The following CRIM1 variants were observed in gnomAD, a reference collection of about 807,000 sequenced individuals.
CRIM1 encodes cysteine-rich motor neuron 1 protein.
Under a neutral mutation model 116.4 loss-of-function variants are expected in CRIM1, and 32 were observed. The ratio of observed to expected loss-of-function variants is 0.27; its 90% CI spans 0.21 to 0.37. CRIM1 has a LOEUF of 0.37. Ranked by LOEUF, CRIM1 falls within the 10% of genes least tolerant of loss-of-function variation. The pLI is 1.00. For synonymous variants in CRIM1, 590 were observed against 509.2 expected, an observed-to-expected ratio of 1.16 and a Z score of -2.13; for missense variants, 1,331 against 1,354.8, an observed-to-expected ratio of 0.98 and a Z score of 0.28.
At chr2:36,423,554 C>T (rs1173986947) in intron 2 of CRIM1, among the ~76,000 whole-genome samples, 1 of 152,168 alleles carries the variant, frequency 6.6e-6, no homozygotes, top group Non-Finnish European at 1.5e-5. Context: ...AGAGTTCAGG[C>T]CTTTTGCGAT....
intron 7 of CRIM1, among the ~76,000 whole-genome samples, chr2:36,489,361 A>G (rs1680061037): frequency 1.3e-5 from 2 of 152,224 alleles, no homozygotes; most frequent in Admixed American, 6.5e-5. Context: ...ATAATAAGCT[A>G]TCCACTTGGG....
intron 1 of CRIM1, among the ~76,000 whole-genome samples, chr2:36,394,690 G>A (rs1456073456): frequency 6.6e-6 from 1 of 151,824 alleles, no homozygotes; most frequent in African/African-American, 2.4e-5. Context: ...TAGGAGAACA[G>A]ATTTTAAATA....
Position 36,546,989 on chromosome 2 carries a change from G to C in CRIM1, c.2752G>C (p.Gly918Arg), listed in dbSNP as rs201730313. Reference protein sequence around the residue: ...NDIVHLPRDMGHLQVDYRDNR... With the variant: ...NDIVHLPRDMRHLQVDYRDNR... ...TATAATTTTTTTTCTCCTAGATATG[G>C]GTCACCTCCAGGTAGATTACAGAGA... Residue 918 changes from glycine to arginine, a missense_variant, in exon 16 of 17, where the codon GGT becomes CGT. Physicochemically the swap from Gly to Arg is moderately radical, Grantham distance 125. This residue lies in a region of CRIM1 where 283 missense variants were observed against 242.8 expected (regional missense o/e 1.17). Transcript: ENST00000280527. The C allele has an allele frequency of 1.9e-6, 3 of 1,578,514 alleles. No individual in the cohort carries two copies. Among genetic ancestry groups the C allele is most frequent in the South Asian group, 2.3e-5 (2 of 86,112 alleles).
intron 14 of CRIM1, among the ~76,000 whole-genome samples, chr2:36,539,851 G>A (rs1001175319): frequency 6.6e-6 from 1 of 152,066 alleles, no homozygotes; most frequent in African/African-American, 2.4e-5. Context: ...TATCTAATCT[G>A]GGCTTCAGGA....
chr2:36,473,349 C>CT (rs1048759632), intron 5 of CRIM1, among the ~76,000 whole-genome samples: 22 of 152,068 alleles, frequency 1.4e-4, no homozygotes, highest in African/African-American at 4.6e-4. Flanking sequence ...CTTGGGAGTA[C>CT]TTTTTTTAAA....
At chr2:36,533,276 G>A (rs1442679223) in intron 13 of CRIM1, among the ~76,000 whole-genome samples, 2 of 152,068 alleles carry the variant, frequency 1.3e-5, no homozygotes, top group African/African-American at 4.8e-5. Flanking sequence ...GAAGGAGACA[G>A]TGTATCTAGG....
intron 6 of CRIM1, among the ~76,000 whole-genome samples, chr2:36,477,935 A>T (rs571286791): frequency 9.2e-5 from 14 of 152,290 alleles, no homozygotes; most frequent in African/African-American, 3.4e-4. Flanking sequence ...TGACAACACA[A>T]CACTGTTTCC....
chr2:36,409,114 A>T (rs1433244702), intron 2 of CRIM1, among the ~76,000 whole-genome samples: 1 of 152,162 alleles, frequency 6.6e-6, no homozygotes, highest in South Asian at 2.1e-4. Flanking sequence ...TCATACGTAA[A>T]AATATACCAC....
intron 5 of CRIM1, among the ~76,000 whole-genome samples, chr2:36,467,041 C>A (rs1349748532): frequency 6.6e-6 from 1 of 152,172 alleles, no homozygotes; most frequent in Non-Finnish European, 1.5e-5. Flanking sequence ...ACCTTAGCAA[C>A]CTTGGGATCA....
At chr2:36,379,532 G>A (rs555136979) in intron 1 of CRIM1, among the ~76,000 whole-genome samples, 21 of 152,248 alleles carry the variant, frequency 1.4e-4, no homozygotes, top group Non-Finnish European at 1.9e-4. Flanking sequence ...GAAGAGCAGC[G>A]TGCAGAGGTA....
chr2:36,519,557 C>T (rs1360044867), intron 12 of CRIM1, among the ~76,000 whole-genome samples: 1 of 152,208 alleles, frequency 6.6e-6, no homozygotes, highest in East Asian at 1.9e-4. Flanking sequence ...TGATAAGTGG[C>T]ATATTACACA....
intron 1 of CRIM1, among the ~76,000 whole-genome samples, chr2:36,358,501 T>C (rs1220322485): frequency 5.9e-5 from 9 of 152,218 alleles, no homozygotes; most frequent in Non-Finnish European, 2.9e-5. Context: ...CAGGGAACAT[T>C]TACAGTAATC....
chr2:36,446,293 T>C (rs1434385994), intron 4 of CRIM1, among the ~76,000 whole-genome samples: 1 of 152,206 alleles, frequency 6.6e-6, no homozygotes, highest in African/African-American at 2.4e-5. Flanking sequence ...CATTTCTGTG[T>C]GAGCTTGATT....
chr2:36,524,904 G>A (rs898638738), intron 13 of CRIM1, among the ~76,000 whole-genome samples: 1 of 151,984 alleles, frequency 6.6e-6, no homozygotes, highest in Admixed American at 6.6e-5. Flanking sequence ...GGACCAGTTT[G>A]GCTCAAATTT....
intron 6 of CRIM1, among the ~76,000 whole-genome samples, chr2:36,479,250 T>G (rs111686756): frequency 0.013 from 2,001 of 152,268 alleles, 48 homozygotes; most frequent in African/African-American, 0.046. Context: ...CACCTGCACA[T>G]TGGTTTTTAG....
chr2:36,380,038 T>A lies in CRIM1; in HGVS notation c.332-16576T>A, dbSNP rs140407707. Among the ~76,000 whole-genome samples the A allele has an allele frequency of 5.3e-3, 804 of 152,290 alleles. 2 individuals carry two copies. The highest frequency in any genetic ancestry group is 7.0e-3 in the Non-Finnish European group (477 of 68,026). On this transcript the variant is annotated intron_variant, in intron 1 of 16. Coordinates refer to ENST00000280527, the MANE Select transcript of CRIM1 (RefSeq NM_016441.3). ...GAGGCAGAGCCTAACTGCATATGCT[T>A]CTTATGACTCTGATGCATGAATGGC...
At chr2:36,386,403 G>A (rs1671170924) in intron 1 of CRIM1, among the ~76,000 whole-genome samples, 1 of 152,116 alleles carries the variant, frequency 6.6e-6, no homozygotes, top group African/African-American at 2.4e-5. Flanking sequence ...ATACAGTATT[G>A]AGGTTAAAAT....
At chr2:36,461,101 T>A (rs1677545851) in intron 4 of CRIM1, among the ~76,000 whole-genome samples, 1 of 152,098 alleles carries the variant, frequency 6.6e-6, no homozygotes, top group African/African-American at 2.4e-5. Flanking sequence ...ATACATAAAA[T>A]GAGGAGTAAT....
Position 36,537,332 on chromosome 2 carries a change from T to C in CRIM1, c.2429-20T>C. Reference sequence around the variant, plus strand: ...CGTTGTCACATCAGCGACTCCATCATGTGCTGTTCTTTTCACTAGAAGACA... The same window carrying C: ...CGTTGTCACATCAGCGACTCCATCACGTGCTGTTCTTTTCACTAGAAGACA... On this transcript the variant is annotated intron_variant, in intron 13 of 16. Coordinates refer to ENST00000280527, the MANE Select transcript of CRIM1 (RefSeq NM_016441.3). The C allele has an allele frequency of 1.9e-6, 3 of 1,611,772 alleles. No individual in the cohort carries two copies. Among genetic ancestry groups the C allele is most frequent in the South Asian group, 1.1e-5 (1 of 91,030 alleles).
Sources: gnomAD v4.1 joint callset for allele counts (sites outside exome capture counted in the v4.1 genomes callset) on GRCh38, gnomAD v4.1.1 for gene constraint, gnomAD v4.1.1 regional missense constraint, MANE v1.5 for transcripts, NCBI Gene and HGNC (gene_info 2026-07-23, HGNC 2026-07-21) for gene names.